EIF4G3: variants seen among roughly 807,000 people sequenced by gnomAD.
The protein encoded by EIF4G3 is eukaryotic translation initiation factor 4 gamma 3, also known as eIF-4-gamma 3.
In EIF4G3, 34 loss-of-function variants were observed where a neutral mutation model predicts 186.4. The ratio of observed to expected loss-of-function variants is 0.18; its 90% CI spans 0.14 to 0.24. EIF4G3 has a LOEUF of 0.24. Ranked by LOEUF, EIF4G3 falls within the 10% of genes least tolerant of loss-of-function variation. The probability of loss-of-function intolerance (pLI) is 1.00; values close to 1 mark genes in which losing one functional copy is unlikely to be tolerated. For missense variants in EIF4G3, 1,536 were observed against 1,948.5 expected (o/e 0.79, Z 3.99); for synonymous variants, 673 against 679.5 (o/e 0.99, Z 0.15).
chr1:20,825,615 G>C (rs551527330), intron 32 of EIF4G3, among the ~76,000 whole-genome samples: 28 of 152,296 alleles, frequency 1.8e-4, no homozygotes, highest in Non-Finnish European at 3.4e-4. Context: ...AGCTACAGCT[G>C]GTTATTTGGG....
chr1:21,060,801 A>AAAAC (rs1557765746), intron 3 of EIF4G3, among the ~76,000 whole-genome samples: 1 of 144,942 alleles, frequency 6.9e-6, no homozygotes. Flanking sequence ...AAAAAAAAAA[A>AAAAC]AAACAAAGCT....
intron 4 of EIF4G3, among the ~76,000 whole-genome samples, chr1:21,039,792 G>C (rs565206326): frequency 6.6e-6 from 1 of 152,224 alleles, no homozygotes; most frequent in South Asian, 2.1e-4. Context: ...AACATATAAA[G>C]AACTCCTACA....
At chr1:21,036,018 C>A (rs1052752365) in intron 4 of EIF4G3, among the ~76,000 whole-genome samples, 1 of 152,204 alleles carries the variant, frequency 6.6e-6, no homozygotes, top group African/African-American at 2.4e-5. Flanking sequence ...GGCCTCCTCT[C>A]TGCTGAGAGC....
At chr1:20,815,411 T>G (rs1392117236) in intron 34 of EIF4G3, among the ~76,000 whole-genome samples, 1 of 141,978 alleles carries the variant, frequency 7.0e-6, no homozygotes, top group Non-Finnish European at 1.5e-5. Context: ...ATCGTCTGAG[T>G]GGGGAGCGCC....
At chr1:21,142,899 T>C (rs992901231) in intron 2 of EIF4G3, among the ~76,000 whole-genome samples, 2 of 152,084 alleles carry the variant, frequency 1.3e-5, no homozygotes, top group African/African-American at 4.8e-5. Flanking sequence ...TTCCAAAAAA[T>C]GGAAATAGAT....
chr1:20,839,909 CA>C (rs58331252), intron 30 of EIF4G3, among the ~76,000 whole-genome samples: 34 of 128,436 alleles, frequency 2.6e-4, no homozygotes, highest in African/African-American at 2.4e-4. Context: ...ATGAGCTTGG[CA>C]AAAAAAAAAA....
rs1190811447 is a variant in EIF4G3, at chr1:21,167,551, A to G, written c.-272+8624T>C. Among the ~76,000 whole-genome samples the G allele has an allele frequency of 1.3e-5, 2 of 152,190 alleles. 1 individual carries two copies. Among genetic ancestry groups the G allele is most frequent in the South Asian group, 4.1e-4 (2 of 4,834 alleles). ...AGTACTTTGGAAGGCCAAGGTCAGGAGTTCAAGACCAGCCAGGCCAATATG... is the reference window on the plus strand; with the variant it reads ...AGTACTTTGGAAGGCCAAGGTCAGGGGTTCAAGACCAGCCAGGCCAATATG... On this transcript the variant is annotated intron_variant, in intron 2 of 36. Coordinates refer to ENST00000602326, the MANE Select transcript of EIF4G3 (RefSeq NM_001391906.1).
chr1:20,819,654 G>C (rs1448808521), intron 33 of EIF4G3, among the ~76,000 whole-genome samples: 2 of 152,076 alleles, frequency 1.3e-5, no homozygotes, highest in African/African-American at 4.8e-5. Flanking sequence ...TGGACACATA[G>C]AGGGGAACAA....
intron 4 of EIF4G3, among the ~76,000 whole-genome samples, chr1:21,009,785 G>A (rs2086444471): frequency 6.6e-6 from 1 of 152,066 alleles, no homozygotes; most frequent in South Asian, 2.1e-4. Context: ...CTCCCAAGTA[G>A]CTGGGACTAC....
chr1:20,828,438 G>A (rs1175841952), intron 31 of EIF4G3, among the ~76,000 whole-genome samples: 1 of 152,154 alleles, frequency 6.6e-6, no homozygotes, highest in Non-Finnish European at 1.5e-5. Context: ...TTACCAAACT[G>A]TGTTCCATAG....
At chr1:21,152,224 G>A (rs2097562429) in intron 2 of EIF4G3, among the ~76,000 whole-genome samples, 1 of 151,330 alleles carries the variant, frequency 6.6e-6, no homozygotes, top group South Asian at 2.1e-4. Context: ...ATAATCCCAA[G>A]ACTTTGGGAG....
Position 20,807,354 on chromosome 1 carries a change from G to A in EIF4G3, c.4891C>T (p.Leu1631=). The change falls in exon 37 of 37, where the codon CTG becomes TTG. Residue 1631 remains leucine (L), a synonymous_variant. Coordinates refer to ENST00000602326, the MANE Select transcript of EIF4G3 (RefSeq NM_001391906.1). ...LKSVTAFFTW[L]REAEEESEDN The stretch of plus-strand genomic sequence containing the variant: ...TCAGACTCCTCTTCTGCTTCCCGCA[G>A]CCACGTGAAGAATGCCGTGACAGAT... The A allele has an allele frequency of 6.2e-7, 1 of 1,606,220 alleles. No individual in the cohort carries two copies. The highest frequency in any genetic ancestry group is 1.3e-5 in the African/African-American group (1 of 74,884).
intron 2 of EIF4G3, among the ~76,000 whole-genome samples, chr1:21,159,873 A>T (rs1164057028): frequency 6.6e-6 from 1 of 151,880 alleles, no homozygotes; most frequent in East Asian, 1.9e-4. Flanking sequence ...TTGGGAGGCC[A>T]AGCGGGTGGA....
intron 4 of EIF4G3, among the ~76,000 whole-genome samples, chr1:21,008,808 T>C (rs181535396): frequency 3.3e-5 from 5 of 152,216 alleles, no homozygotes; most frequent in Non-Finnish European, 7.3e-5. Context: ...CCCACATATA[T>C]GCAGAATGTA....
At chr1:20,896,467 A>C (rs1214068096) in intron 16 of EIF4G3, among the ~76,000 whole-genome samples, 1 of 151,592 alleles carries the variant, frequency 6.6e-6, no homozygotes, top group African/African-American at 2.4e-5. Context: ...AAGAAAAAGA[A>C]AAAGGAAAAA....
At chr1:20,877,852 T>C (rs897443125) in intron 20 of EIF4G3, among the ~76,000 whole-genome samples, 1 of 152,198 alleles carries the variant, frequency 6.6e-6, no homozygotes, top group African/African-American at 2.4e-5. Context: ...CTCAATTTTA[T>C]TTTATTTTGA....
At chr1:20,969,862 T>C (rs1263244206) in intron 11 of EIF4G3, among the ~76,000 whole-genome samples, 1 of 152,202 alleles carries the variant, frequency 6.6e-6, no homozygotes, top group African/African-American at 2.4e-5. Context: ...ATATTTATAC[T>C]TGTTTTGTAA....
intron 2 of EIF4G3, among the ~76,000 whole-genome samples, chr1:21,125,435 T>C (rs962146566): frequency 1.3e-5 from 2 of 152,178 alleles, no homozygotes; most frequent in Admixed American, 1.3e-4. Flanking sequence ...TATTAGGCAA[T>C]AGGCCAGGAG....
chr1:20,989,303 C>T (rs928827888), intron 7 of EIF4G3, among the ~76,000 whole-genome samples: 2 of 151,102 alleles, frequency 1.3e-5, no homozygotes, highest in African/African-American at 4.9e-5. Flanking sequence ...CGCTTGTAAT[C>T]CCAACACTTC....
Sources: gnomAD v4.1 joint callset for allele counts (sites outside exome capture counted in the v4.1 genomes callset) on GRCh38, gnomAD v4.1.1 for gene constraint, MANE v1.5 for transcripts, NCBI Gene and HGNC (gene_info 2026-07-23, HGNC 2026-07-21) for gene names.